KIFAP3: variants seen among roughly 807,000 people sequenced by gnomAD.
The protein encoded by KIFAP3 is kinesin-associated protein 3.
KIFAP3 carries 68 observed loss-of-function variants against 106.5 expected under a neutral mutation model. The observed-to-expected ratio is 0.64, with a 90% CI of 0.53 to 0.78. The LOEUF is 0.78. Ranked by LOEUF, KIFAP3 falls within the 30% of genes least tolerant of loss-of-function variation. The probability of loss-of-function intolerance (pLI) is 0.00; values close to 1 mark genes in which losing one functional copy is unlikely to be tolerated. For synonymous variants in KIFAP3, 320 were observed against 311.5 expected, an observed-to-expected ratio of 1.03 and a Z score of -0.29; for missense variants, 780 against 941.8, an observed-to-expected ratio of 0.83 and a Z score of 2.25.
At chr1:169,944,528 G>A (rs1159993413) in intron 19 of KIFAP3, among the ~76,000 whole-genome samples, 16 of 152,126 alleles carry the variant, frequency 1.1e-4, no homozygotes, top group Admixed American at 5.2e-4. Flanking sequence ...TGGGGGCGAC[G>A]TGTTTCAGCC....
At chr1:169,994,701 T>C (rs563300550) in intron 10 of KIFAP3, among the ~76,000 whole-genome samples, 1 of 151,976 alleles carries the variant, frequency 6.6e-6, no homozygotes, top group Non-Finnish European at 1.5e-5. Flanking sequence ...AAATAATATT[T>C]ATTTATTTCA....
At chr1:169,953,161 C>A (rs1276421322) in intron 19 of KIFAP3, among the ~76,000 whole-genome samples, 2 of 151,826 alleles carry the variant, frequency 1.3e-5, no homozygotes, top group Non-Finnish European at 2.9e-5. Context: ...TACTTTCTGG[C>A]GAGATTTTAA....
At chr1:169,956,597 T>C (rs888654901) in intron 18 of KIFAP3, among the ~76,000 whole-genome samples, 1 of 149,420 alleles carries the variant, frequency 6.7e-6, no homozygotes, top group Non-Finnish European at 1.5e-5. Flanking sequence ...AGTAAATTTA[T>C]ACCACTGAAG....
intron 19 of KIFAP3, among the ~76,000 whole-genome samples, chr1:169,937,792 A>C (rs1663891920): frequency 6.6e-6 from 1 of 151,828 alleles, no homozygotes; most frequent in Non-Finnish European, 1.5e-5. Context: ...TTCTTAATAC[A>C]AATACTCCCT....
chr1:170,024,838 G>A (rs1026626487), intron 8 of KIFAP3, among the ~76,000 whole-genome samples: 4 of 152,020 alleles, frequency 2.6e-5, no homozygotes, highest in African/African-American at 9.7e-5. Flanking sequence ...ATACAATGCT[G>A]AGAAGGACAC....
At chr1:170,006,023 G>T (rs115815365) in intron 10 of KIFAP3, among the ~76,000 whole-genome samples, 2 of 151,868 alleles carry the variant, frequency 1.3e-5, no homozygotes, top group Admixed American at 1.3e-4. Context: ...ATTTGTATAC[G>T]ACTTTCTAGT....
At chr1:170,022,390 CA>C (rs1668886828) in intron 9 of KIFAP3, among the ~76,000 whole-genome samples, 2 of 151,852 alleles carry the variant, frequency 1.3e-5, no homozygotes, top group African/African-American at 4.8e-5. Context: ...TGGAAATTAA[CA>C]TTTAAAAATT....
chr1:170,071,897 G>C (rs536686995), intron 1 of KIFAP3, among the ~76,000 whole-genome samples: 2 of 152,286 alleles, frequency 1.3e-5, no homozygotes, highest in South Asian at 4.1e-4. Context: ...GATGGACCTT[G>C]ATATACCATG....
intron 19 of KIFAP3, among the ~76,000 whole-genome samples, chr1:169,933,471 G>T (rs1377815789): frequency 6.6e-6 from 1 of 151,880 alleles, no homozygotes; most frequent in Non-Finnish European, 1.5e-5. Flanking sequence ...TTTCTGCTCA[G>T]GTATAAGACT....
At chr1:170,071,627 G>C (rs1199616939) in intron 1 of KIFAP3, among the ~76,000 whole-genome samples, 1 of 152,058 alleles carries the variant, frequency 6.6e-6, no homozygotes, top group Admixed American at 6.6e-5. Context: ...CAACTCTAGA[G>C]GGAACTAATC....
intron 19 of KIFAP3, among the ~76,000 whole-genome samples, chr1:169,944,179 C>A (rs555299608): frequency 1.1e-4 from 2 of 18,692 alleles, no homozygotes; most frequent in South Asian, 3.3e-3. Context: ...AGGTGTGGAG[C>A]GGCGAGGTTG....
intron 10 of KIFAP3, among the ~76,000 whole-genome samples, chr1:170,009,411 T>TTTATTA (rs144950904): frequency 2.3e-4 from 35 of 151,594 alleles, no homozygotes; most frequent in Non-Finnish European, 4.3e-4. Context: ...AAATGCCACT[T>TTTATTA]TTATTATTAT....
chr1:169,972,472 T>G (rs552673895), intron 17 of KIFAP3, 41 bp downstream of exon 17: 2 of 956,116 alleles, frequency 2.1e-6, no homozygotes, highest in South Asian at 1.4e-5. Context: ...TCCCCCAAGA[T>G]GAAGTCAATT....
At chr1:169,931,576 A>G (rs1291173058) in intron 19 of KIFAP3, among the ~76,000 whole-genome samples, 1 of 152,218 alleles carries the variant, frequency 6.6e-6, no homozygotes, top group Non-Finnish European at 1.5e-5. Context: ...TATACTATCA[A>G]GCAATGCTTC....
At chr1:170,061,443 C>T (rs1043933539) in intron 1 of KIFAP3, among the ~76,000 whole-genome samples, 6 of 152,132 alleles carry the variant, frequency 3.9e-5, no homozygotes, top group African/African-American at 1.4e-4. Flanking sequence ...TAGAGAAATG[C>T]AAATCAAAAC....
intron 9 of KIFAP3, among the ~76,000 whole-genome samples, chr1:170,023,562 C>T (rs116189446): frequency 0.015 from 2,258 of 151,852 alleles, 55 homozygotes; most frequent in African/African-American, 0.051. Context: ...TATGTATGTA[C>T]AAATATGTGC....
intron 3 of KIFAP3, among the ~76,000 whole-genome samples, chr1:170,040,175 T>C (rs1398263463): frequency 1.3e-5 from 2 of 152,112 alleles, no homozygotes; most frequent in African/African-American, 4.8e-5. Context: ...GTGGTTTTAA[T>C]TATGCAAAAA....
chr1:169,949,853 T>C (rs147376694), intron 19 of KIFAP3, among the ~76,000 whole-genome samples: 1,648 of 152,224 alleles, frequency 0.011, 32 homozygotes, highest in African/African-American at 0.038. Flanking sequence ...AAACTGATAG[T>C]GACACATGTC....
At chr1:169,952,422 A>G (rs186143278) in intron 19 of KIFAP3, among the ~76,000 whole-genome samples, 2 of 149,522 alleles carry the variant, frequency 1.3e-5, no homozygotes, top group East Asian at 3.9e-4. Flanking sequence ...TTTGTTTTAC[A>G]CATATATATA....
Sources: gnomAD v4.1 joint callset for allele counts (sites outside exome capture counted in the v4.1 genomes callset) on GRCh38, gnomAD v4.1.1 for gene constraint, MANE v1.5 for transcripts, NCBI Gene and HGNC (gene_info 2026-07-23, HGNC 2026-07-21) for gene names.